Variants in SHPRH observed in about 807,000 individuals in gnomAD.
SHPRH encodes E3 ubiquitin-protein ligase SHPRH.
SHPRH carries 106 observed loss-of-function variants against 202.5 expected under a neutral mutation model. That is an observed-to-expected ratio of 0.52 (90% CI 0.45 to 0.62). The LOEUF (loss-of-function observed/expected upper bound fraction) is 0.62, where lower values mean the gene tolerates loss of function less well. Among genes scored for constraint, SHPRH ranks in the 20% least tolerant of loss-of-function variants. SHPRH has a pLI of 0.00. For missense variants in SHPRH, 1,710 were observed against 2,020.0 expected, an observed-to-expected ratio of 0.85 and a Z score of 2.94; for synonymous variants, 729 against 686.0, an observed-to-expected ratio of 1.06 and a Z score of -0.98.
At position 145,926,246 on chromosome 6, in the gene SHPRH, T is replaced by C; in HGVS notation, c.3252A>G (p.Pro1084=). 2 of 1,613,024 alleles carry C rather than the reference T, an allele frequency of 1.2e-6. No individual in the cohort carries two copies. Among genetic ancestry groups the C allele is most frequent in the African/African-American group, 1.3e-5 (1 of 74,948 alleles). Residue 1084 remains proline, a synonymous_variant, in exon 16 of 30, where the codon CCA becomes CCG. Transcript: ENST00000275233. ...CATCACGCAAGGTAGGTGGTATCCC[T>C]GGGTGCCTGGCTATCAACAATTCCA... ...NLMELLIARH[P]GIPPTLRDGR...
intron 11 of SHPRH, among the ~76,000 whole-genome samples, chr6:145,940,305 T>A (rs569322636): frequency 6.6e-6 from 1 of 152,192 alleles, no homozygotes; most frequent in South Asian, 2.1e-4. Context: ...AAAATTATAG[T>A]CTCCATTTTC....
At position 145,943,753 on chromosome 6, in the gene SHPRH, T is replaced by A. The variant is rs772891679; in HGVS notation, c.1628A>T (p.Asn543Ile). 1.3e-6 allele frequency: 2 copies of A among 1,596,788 alleles called. No homozygotes were observed. Among genetic ancestry groups the A allele is most frequent in the East Asian group, 4.5e-5 (2 of 44,796 alleles). ...KIQKETRKSGNKDTDSEYLPS... is the reference protein window; with the variant it reads ...KIQKETRKSGIKDTDSEYLPS... ...CAAGTATTCAGAATCTGTGTCCTTG[T>A]TCCCTGATTTTCTAGTTTCTTTCTG... The change falls in exon 9 of 30, where the codon AAC (asparagine) becomes ATC (isoleucine). Residue 543 changes from asparagine (N) to isoleucine (I), a missense_variant. Physicochemically the swap from Asn to Ile is moderately radical, Grantham distance 149. Around this residue, in one of 8 missense-constraint regions of SHPRH, gnomAD observed 348 missense variants for 356.9 expected, o/e 0.97. Coordinates refer to ENST00000275233, the MANE Select transcript of SHPRH (RefSeq NM_001042683.3).
At chr6:145,924,527 C>A (rs755947881) in intron 17 of SHPRH, among the ~76,000 whole-genome samples, 31 of 151,944 alleles carry the variant, frequency 2.0e-4, no homozygotes, top group Middle Eastern at 3.4e-3. Flanking sequence ...AGAAAGAGAA[C>A]TCAAAATAGT....
chr6:145,957,772 T>C (rs1468051149), intron 1 of SHPRH, among the ~76,000 whole-genome samples: 2 of 152,146 alleles, frequency 1.3e-5, no homozygotes, highest in African/African-American at 4.8e-5. Context: ...AAAGTATCAG[T>C]TTCTAATAAA....
At chr6:145,894,027 G>T in intron 27 of SHPRH, 123 bp downstream of exon 27, 1 of 561,350 alleles carries the variant, frequency 1.8e-6, no homozygotes, top group East Asian at 3.4e-5. Flanking sequence ...AATTAATCAA[G>T]AACTCAGACC....
chr6:145,874,407 C>T (rs1780207169), intron 2 of SHPRH, among the ~76,000 whole-genome samples: 1 of 151,930 alleles, frequency 6.6e-6, no homozygotes, highest in African/African-American at 2.4e-5. Flanking sequence ...GCCTGGTGTC[C>T]GTGTCCTTAA....
At chr6:145,963,244 T>C (rs1212589772) in intron 1 of SHPRH, among the ~76,000 whole-genome samples, 2 of 152,198 alleles carry the variant, frequency 1.3e-5, no homozygotes, top group Non-Finnish European at 2.9e-5. Context: ...AGTAGAGATA[T>C]CATGGATCGT....
intron 19 of SHPRH, 51 bp from the exon 20 acceptor site, chr6:145,922,399 G>T: frequency 6.6e-7 from 1 of 1,524,792 alleles, no homozygotes. Flanking sequence ...CCAGCAATCT[G>T]GTAATTTTAA....
At chr6:145,881,150 G>A (rs1005016207), downstream of SHPRH, among the ~76,000 whole-genome samples, 1 of 152,104 alleles carries the variant, frequency 6.6e-6, no homozygotes, top group East Asian at 1.9e-4. Flanking sequence ...TCTTTTTGCT[G>A]TTATTAAAAC....
At chr6:145,947,423 A>T (rs1170514909) in intron 6 of SHPRH, 70 bp downstream of exon 6, 3 of 1,513,066 alleles carry the variant, frequency 2.0e-6, no homozygotes, top group Non-Finnish European at 1.8e-6. Context: ...TGCCAAGCAA[A>T]TGTTCAACAT....
At chr6:145,917,328 T>C (rs974794152) in intron 23 of SHPRH, 1 of 152,148 alleles carries the variant, frequency 6.6e-6, no homozygotes, top group African/African-American at 2.4e-5. Context: ...GGTGAATAAC[T>C]TAAATAAAGT....
intron 1 of SHPRH, among the ~76,000 whole-genome samples, chr6:145,955,603 G>A (rs1415389816): frequency 1.3e-5 from 2 of 152,038 alleles, no homozygotes; most frequent in Non-Finnish European, 1.5e-5. Flanking sequence ...GCAATTTGTT[G>A]TATAAAATAA....
chr6:145,886,216 T>A lies in SHPRH; in HGVS notation c.*475A>T, dbSNP rs532656034. 5 of 421,234 alleles carry A rather than the reference T, an allele frequency of 1.2e-5. No homozygotes were observed. The Admixed American group carries it at 1.5e-4, about 13-fold the overall frequency. 26.1% of individuals were successfully genotyped at this position (421,234 alleles called of 1,614,324 possible). ...TAAGCCTACTCAAAAAATGGGTTAA[T>A]ATAATTCACCATCTACTTAAAATAT... On this transcript the variant is annotated 3_prime_UTR_variant, in exon 30 of 30. Transcript: ENST00000275233.
chr6:145,899,242 A>G (rs1380149829), intron 25 of SHPRH, among the ~76,000 whole-genome samples: 2 of 152,166 alleles, frequency 1.3e-5, no homozygotes, highest in African/African-American at 4.8e-5. Flanking sequence ...GGATAACCAA[A>G]GCAATCTTGA....
At chr6:145,869,221 G>C (rs943988712) in intron 2 of SHPRH, among the ~76,000 whole-genome samples, 6 of 152,150 alleles carry the variant, frequency 3.9e-5, no homozygotes, top group African/African-American at 1.4e-4. Flanking sequence ...TGAGCTTTAA[G>C]TATTTTTATG....
chr6:145,881,993 G>A (rs1780611062), downstream of SHPRH, among the ~76,000 whole-genome samples: 1 of 151,972 alleles, frequency 6.6e-6, no homozygotes. Context: ...CTACCTGGGA[G>A]GTTGAGGTGA....
intron 2 of SHPRH, among the ~76,000 whole-genome samples, chr6:145,867,627 T>TAGAGAGAGAGAGAGAGAG (rs1296301891): frequency 1.9e-5 from 1 of 53,806 alleles, no homozygotes; most frequent in Non-Finnish European, 3.3e-5. Flanking sequence ...TATATATATA[T>TAGAGAGAGAGAGAGAGAG]ATATAGAGAG....
chr6:145,896,595 A>G (rs1379758339), intron 25 of SHPRH, among the ~76,000 whole-genome samples: 1 of 152,022 alleles, frequency 6.6e-6, no homozygotes, highest in Non-Finnish European at 1.5e-5. Flanking sequence ...TCCAACCACT[A>G]CAGTTCTGAA....
intron 28 of SHPRH, among the ~76,000 whole-genome samples, chr6:145,892,002 C>T (rs1436440818): frequency 2.0e-5 from 3 of 152,124 alleles, no homozygotes; most frequent in Non-Finnish European, 4.4e-5. Flanking sequence ...ATTACAGTTA[C>T]TTTGCCCTAT....
Sources: gnomAD v4.1 joint callset for allele counts (sites outside exome capture counted in the v4.1 genomes callset) on GRCh38, gnomAD v4.1.1 for gene constraint, gnomAD v4.1.1 regional missense constraint, MANE v1.5 for transcripts, NCBI Gene and HGNC (gene_info 2026-07-23, HGNC 2026-07-21) for gene names.